The following CTSK variants were observed in gnomAD, a reference collection of about 807,000 sequenced individuals.
CTSK encodes cathepsin O.
A neutral mutation model predicts 40.5 loss-of-function variants in CTSK; 26 were observed. The observed-to-expected ratio is 0.64, with a 90% confidence interval of 0.47 to 0.89. CTSK has a LOEUF of 0.89. Ranked by LOEUF, CTSK falls within the 40% of genes least tolerant of loss-of-function variation. The probability of loss-of-function intolerance (pLI) is 0.00; values close to 1 mark genes in which losing one functional copy is unlikely to be tolerated. For synonymous variants in CTSK, 132 were observed against 143.2 expected, an observed-to-expected ratio of 0.92 and a Z score of 0.56; for missense variants, 292 against 400.1, an observed-to-expected ratio of 0.73 and a Z score of 2.30.
At position 150,799,212 on chromosome 1, in the gene CTSK, T is replaced by C. The variant is rs150434921; in HGVS notation, c.846A>G (p.Gly282=). 1.5e-5 allele frequency: 24 copies of C among 1,613,132 alleles called. No individual in the cohort carries two copies. In the African/African-American group the frequency reaches 3.1e-4, roughly 21 times the overall value. ...GCTTGTTTCCCTTCTGGATTCCATA[T>C]CCCACTGCCAAAACTGCATGGTTCA... is the stretch of plus-strand genomic sequence containing the variant. The part of the protein sequence containing the change: ...DNLNHAVLAV[G]YGIQKGNKHW... The change falls in exon 7 of 8, where the codon GGA becomes GGG. Residue 282 remains glycine (G), a synonymous_variant. Coordinates refer to ENST00000271651, the MANE Select transcript of CTSK (RefSeq NM_000396.4).
intron 4 of CTSK, among the ~76,000 whole-genome samples, chr1:150,804,688 T>C (rs1654053105): frequency 6.6e-6 from 1 of 152,222 alleles, no homozygotes; most frequent in Non-Finnish European, 1.5e-5. Context: ...TTGTAGATTT[T>C]TCTTTCTTTC....
At position 150,807,005 on chromosome 1, in the gene CTSK, T is replaced by TTCTCTC. The variant is rs71659432; in HGVS notation, c.-1-205_-1-200dup. Among the ~76,000 whole-genome samples, 28 of 138,966 alleles carry TTCTCTC rather than the reference T, an allele frequency of 2.0e-4. 1 individual carries two copies. The highest frequency in any genetic ancestry group is 5.4e-4 in the African/African-American group (20 of 37,134). 91.2% of individuals were successfully genotyped at this position (138,966 alleles called of 152,430 possible). The stretch of plus-strand genomic sequence containing the variant: ...TAGGGGGATTTAGCCATTTCTCTCT[T>TTCTCTC]TCTCTCTCTCTCTCTCTCTCGGGAG... On this transcript the variant is annotated intron_variant, in intron 1 of 7. Coordinates refer to ENST00000271651, the MANE Select transcript of CTSK (RefSeq NM_000396.4).
In CTSK at chr1:150,796,767, T is replaced by C; in HGVS notation, c.*32A>G. ...TTACACTGCACCATCGTGGAAGAAA[T>C]GGAAGAGCAGGATGGATTTGGCTGG... On this transcript the variant is annotated 3_prime_UTR_variant, in exon 8 of 8. Transcript: ENST00000271651. 6.9e-7 allele frequency: 1 copy of C among 1,457,452 alleles called. No homozygotes were observed. The highest frequency in any genetic ancestry group is 9.6e-7 in the Non-Finnish European group (1 of 1,037,046). 90.3% of individuals were successfully genotyped at this position (1,457,452 alleles called of 1,614,324 possible). A position where few individuals can be genotyped will look rare whatever the true frequency, so the allele number is the denominator to read the frequency against.
At chr1:150,802,316 T>C (rs1654009869) in intron 5 of CTSK, among the ~76,000 whole-genome samples, 1 of 150,518 alleles carries the variant, frequency 6.6e-6, no homozygotes, top group Admixed American at 6.6e-5. Context: ...GCATGGTGGC[T>C]TACATCTATA....
At chr1:150,805,638 C>CAAAAAAAAAAAA (rs79027279) in intron 4 of CTSK, among the ~76,000 whole-genome samples, 2 of 54,998 alleles carry the variant, frequency 3.6e-5, no homozygotes, top group Non-Finnish European at 6.5e-5. Flanking sequence ...GACTCTATCT[C>CAAAAAAAAAAAA]AAAAAAAAAA....
chr1:150,799,609 G>T lies in CTSK; in HGVS notation c.719C>A (p.Ala240Asp). 6.2e-7 allele frequency: 1 copy of T among 1,614,158 alleles called. No individual in the cohort carries two copies. Among genetic ancestry groups the T allele is most frequent in the Non-Finnish European group, 8.5e-7 (1 of 1,180,012 alleles). The change falls in exon 6 of 8, where the codon GCC becomes GAC. Residue 240 changes from alanine (A) to aspartate (D), a missense_variant. Coordinates refer to ENST00000271651, the MANE Select transcript of CTSK (RefSeq NM_000396.4). ...GGCCACAGAGACAGGTCCCACTCGG[G>T]CCACTGCCCTCTTCAGGGCTTTCTC... ...GNEKALKRAVARVGPVSVAID... is the reference protein window; with the variant it reads ...GNEKALKRAVDRVGPVSVAID...
At chr1:150,807,080 T>TCTCACA (rs1491280032) in intron 1 of CTSK, among the ~76,000 whole-genome samples, 2 of 69,552 alleles carry the variant, frequency 2.9e-5, no homozygotes, top group African/African-American at 7.5e-5. Flanking sequence ...TCTCTCTCTC[T>TCTCACA]CACACACACA....
intron 5 of CTSK, among the ~76,000 whole-genome samples, chr1:150,802,663 C>T (rs1000086844): frequency 2.6e-5 from 4 of 152,084 alleles, no homozygotes; most frequent in Admixed American, 6.6e-5. Flanking sequence ...AGTGATCCTC[C>T]CACCTCAGCC....
At chr1:150,797,386 G>A (rs1026997077) in intron 7 of CTSK, among the ~76,000 whole-genome samples, 1 of 152,222 alleles carries the variant, frequency 6.6e-6, no homozygotes, top group African/African-American at 2.4e-5. Flanking sequence ...AGGAGCCAGT[G>A]AGGGATTTTG....
At position 150,804,275 on chromosome 1, in the gene CTSK, G is replaced by A. The variant is rs745879659; in HGVS notation, c.400-36C>T. The A allele has an allele frequency of 1.4e-5, 22 of 1,537,678 alleles. No individual in the cohort carries two copies. The African/African-American group carries it at 3.0e-4, about 21-fold the overall frequency. ...TACAGAGAAACTATCAATCTTTGCT[G>A]TTTACATTTTCTATATCTTCTCTCT... On this transcript the variant is annotated intron_variant, in intron 4 of 7. Transcript: ENST00000271651.
At chr1:150,806,547 G>A (rs373294382) in intron 2 of CTSK, 139 bp downstream of exon 2, 33 of 1,110,078 alleles carry the variant, frequency 3.0e-5, no homozygotes, top group South Asian at 5.0e-5. Context: ...AATGAAAACC[G>A]TATGTTAACA....
Position 150,796,627 on chromosome 1 carries a change from G to T in CTSK, c.*172C>A. 1 of 713,494 alleles carries T rather than the reference G, an allele frequency of 1.4e-6. No homozygotes were observed. Among genetic ancestry groups the T allele is most frequent in the Non-Finnish European group, 2.5e-6 (1 of 392,900 alleles). The allele number at this position is 713,494 out of a possible 1,614,324, so 44.2% of individuals were successfully genotyped here. On this transcript the variant is annotated 3_prime_UTR_variant, in exon 8 of 8. Coordinates refer to ENST00000271651, the MANE Select transcript of CTSK (RefSeq NM_000396.4). ...TGAAAAAGGTCATGGGTGGAGAGAA[G>T]CAAAGTAGGAAGGATCATTTGAAGC...
At chr1:150,804,275 G>T in intron 4 of CTSK, 36 bp from the exon 5 acceptor site, 1 of 1,537,794 alleles carries the variant, frequency 6.5e-7, no homozygotes, top group Non-Finnish European at 9.0e-7. Context: ...AATCTTTGCT[G>T]TTTACATTTT....
intron 4 of CTSK, 122 bp from the exon 5 acceptor site, chr1:150,804,361 G>C: frequency 1.3e-6 from 1 of 789,154 alleles, no homozygotes; most frequent in South Asian, 1.5e-5. Flanking sequence ...TCATTGTTGT[G>C]AGTCTTCCTC....
At chr1:150,805,815 A>G in intron 4 of CTSK, 46 bp downstream of exon 4, 1 of 1,606,730 alleles carries the variant, frequency 6.2e-7, no homozygotes, top group Non-Finnish European at 8.5e-7. Flanking sequence ...AAAAAGGAAA[A>G]GGTCATGCCA....
chr1:150,803,025 G>T (rs973272847), intron 5 of CTSK, among the ~76,000 whole-genome samples: 1 of 152,168 alleles, frequency 6.6e-6, no homozygotes, highest in African/African-American at 2.4e-5. Flanking sequence ...CACATTGCAG[G>T]TATAAATTTT....
At chr1:150,805,701 A>G (rs1437787664) in intron 4 of CTSK, among the ~76,000 whole-genome samples, 160 bp downstream of exon 4, 2 of 151,764 alleles carry the variant, frequency 1.3e-5, no homozygotes, top group African/African-American at 4.8e-5. Flanking sequence ...ACCCAAATGT[A>G]CAGAAACAAA....
chr1:150,804,977 C>T (rs377637519), intron 4 of CTSK, among the ~76,000 whole-genome samples: 1 of 151,264 alleles, frequency 6.6e-6, no homozygotes, highest in African/African-American at 2.4e-5. Flanking sequence ...TTTGGGAGGC[C>T]GAAGCGGGCA....
chr1:150,799,849 C>T (rs1201480518), intron 5 of CTSK, 140 bp from the exon 6 acceptor site: 11 of 849,530 alleles, frequency 1.3e-5, no homozygotes, highest in Non-Finnish European at 2.2e-5. Context: ...AGGGTCTGTT[C>T]TTCCTCAGAA....
Sources: gnomAD v4.1 joint callset for allele counts (sites outside exome capture counted in the v4.1 genomes callset) on GRCh38, gnomAD v4.1.1 for gene constraint, MANE v1.5 for transcripts, NCBI Gene and HGNC (gene_info 2026-07-23, HGNC 2026-07-21) for gene names.